The following CALCB variants were observed in gnomAD, a reference collection of about 807,000 sequenced individuals.
The protein encoded by CALCB is calcitonin gene-related peptide 2.
Under a neutral mutation model 10.7 loss-of-function variants are expected in CALCB, and 8 were observed. The observed-to-expected ratio is 0.75, with a 90% CI of 0.44 to 1.34. The LOEUF (loss-of-function observed/expected upper bound fraction) is 1.34, where lower values mean the gene tolerates loss of function less well. CALCB is among the 40% of genes most tolerant of loss of function. The pLI is 0.01. For missense variants in CALCB, 176 were observed against 162.5 expected (o/e 1.08, Z -0.45); for synonymous variants, 76 against 66.9 (o/e 1.14, Z -0.66).
At chr11:15,074,961 C>A (rs1192442016) in intron 2 of CALCB, 100 bp from the exon 3 acceptor site, 15 of 1,502,814 alleles carry the variant, frequency 1.0e-5, no homozygotes, top group East Asian at 9.0e-5. Flanking sequence ...GTGGCCACAT[C>A]CCCAGGGGAA....
chr11:15,078,211 A>G lies in CALCB; in HGVS notation c.*154A>G, dbSNP rs1337531193. 6.6e-6 allele frequency: 1 copy of G among 152,242 alleles called. No homozygotes were observed. The highest frequency in any genetic ancestry group is 1.5e-5 in the Non-Finnish European group (1 of 68,044). The allele number at this position is 152,242 out of a possible 1,614,324, so 9.4% of individuals were successfully genotyped here. ...AAAAAGGGCACCTTTGTCACTTGAA[A>G]GGAATGAAACTGAATGCAAAATAAG... On this transcript the variant is annotated 3_prime_UTR_variant, in exon 5 of 5. Transcript: ENST00000324229.
chr11:15,077,421 G>A lies in CALCB; in HGVS notation c.360G>A (p.Arg120=). The A allele has an allele frequency of 1.2e-6, 2 of 1,614,224 alleles. No homozygotes were observed. Among genetic ancestry groups the A allele is most frequent in the Non-Finnish European group, 1.7e-6 (2 of 1,180,056 alleles). ...ATGTGGGTTCCAAAGCCTTTGGCAG[G>A]CGCCGCAGGGACCTTCAAGCCTGAG... is the stretch of plus-strand genomic sequence containing the variant. ...PTNVGSKAFG[R]RRRDLQA Residue 120 remains arginine (R), a synonymous_variant, in exon 4 of 5, where the codon AGG becomes AGA. Transcript: ENST00000324229.
At position 15,074,797 on chromosome 11, in the gene CALCB, C is replaced by A; in HGVS notation, c.79C>A (p.Pro27Thr). 4 of 1,613,552 alleles carry A rather than the reference C, an allele frequency of 2.5e-6. No homozygotes were observed. The highest frequency in any genetic ancestry group is 3.4e-6 in the Non-Finnish European group (4 of 1,179,626). The change falls in exon 2 of 5, where the codon CCA becomes ACA. Residue 27 changes from proline (P) to threonine (T), a missense_variant. Pro to Thr is a conservative substitution (Grantham distance 38, BLOSUM62 -1). Coordinates refer to ENST00000324229, the MANE Select transcript of CALCB (RefSeq NM_000728.4). ...LYQAGSLQAA[P>T]FRSALESSPD... ...CCAGGCGGGCAGCCTCCAGGCGGCGCCATTCAGGTGAGACAGCCTGGAGCC... is the reference window on the plus strand; with the variant it reads ...CCAGGCGGGCAGCCTCCAGGCGGCGACATTCAGGTGAGACAGCCTGGAGCC...
At chr11:15,076,926 C>G (rs901371965) in intron 3 of CALCB, among the ~76,000 whole-genome samples, 3 of 152,084 alleles carry the variant, frequency 2.0e-5, no homozygotes, top group Non-Finnish European at 4.4e-5. Flanking sequence ...ATTTCATTTT[C>G]CTGTGGTAAT....
chr11:15,074,947 C>A, intron 2 of CALCB, 114 bp from the exon 3 acceptor site: 1 of 1,440,700 alleles, frequency 6.9e-7, no homozygotes, highest in South Asian at 1.2e-5. Context: ...CCCTGGGAGT[C>A]GCGGTGGCCA....
rs113623611 is a variant in CALCB, at chr11:15,073,756, C to T, written c.-10+93C>T. On this transcript the variant is annotated intron_variant, in intron 1 of 4. Transcript: ENST00000324229. ...TTGCTCCATCTGCCTGTCTGCCTCT[C>T]CGCCGCCATCTGGTCCTACCTTACA... 2.6e-3 allele frequency: 398 copies of T among 152,782 alleles called. 2 individuals carry two copies. Among genetic ancestry groups the T allele is most frequent in the African/African-American group, 8.8e-3 (366 of 41,612 alleles). 9.5% of individuals were successfully genotyped at this position (152,782 alleles called of 1,614,324 possible).
chr11:15,076,152 C>T (rs761232197), intron 3 of CALCB, among the ~76,000 whole-genome samples: 3 of 152,182 alleles, frequency 2.0e-5, no homozygotes, highest in Non-Finnish European at 4.4e-5. Flanking sequence ...TACTGTCTGG[C>T]ATGTCCTTCC....
intron 3 of CALCB, among the ~76,000 whole-genome samples, chr11:15,076,559 G>A (rs1850396844): frequency 1.3e-5 from 2 of 152,210 alleles, no homozygotes; most frequent in African/African-American, 2.4e-5. Context: ...GAAAATAAGG[G>A]AAGCTTCTTG....
chr11:15,077,982 A>T (rs900441649), intron 4 of CALCB, 101 bp from the exon 5 acceptor site: 2 of 152,142 alleles, frequency 1.3e-5, no homozygotes, highest in Non-Finnish European at 2.9e-5. Context: ...CTTGTCTTCT[A>T]CTTCTTTTTT....
chr11:15,076,762 C>T (rs1048650968), intron 3 of CALCB, among the ~76,000 whole-genome samples: 1 of 152,190 alleles, frequency 6.6e-6, no homozygotes, highest in African/African-American at 2.4e-5. Context: ...TCAGAAGTAG[C>T]CTTAGCTTCA....
In CALCB at chr11:15,077,345, G is replaced by A. The variant is rs1850405114; in HGVS notation, c.284G>A (p.Gly95Asp). 6.2e-7 allele frequency: 1 copy of A among 1,614,114 alleles called. No individual in the cohort carries two copies. Among genetic ancestry groups the A allele is most frequent in the Non-Finnish European group, 8.5e-7 (1 of 1,180,054 alleles). ...ACCTGTGTGACTCATCGGCTGGCAG[G>A]CTTGCTGAGCAGATCAGGGGGCATG... is the stretch of plus-strand genomic sequence containing the variant. The part of the protein sequence containing the change: ...TATCVTHRLA[G>D]LLSRSGGMVK... Residue 95 changes from glycine to aspartate, a missense_variant, in exon 4 of 5, where the codon GGC becomes GAC. Physicochemically the swap from Gly to Asp is moderately conservative, Grantham distance 94. Coordinates refer to ENST00000324229, the MANE Select transcript of CALCB (RefSeq NM_000728.4).
In CALCB at chr11:15,074,760, CTTGG is replaced by C; in HGVS notation, c.44_47del (p.Leu15SerfsTer45). The C allele has an allele frequency of 6.2e-7, 1 of 1,614,178 alleles. No individual in the cohort carries two copies. The highest frequency in any genetic ancestry group is 8.5e-7 in the Non-Finnish European group (1 of 1,180,012). ...TCTCCCCCTTCCTGGCTCTCAGTATCTTGGTCCTGTACCAGGCGGGCAGCCTCCA... is the reference window on the plus strand; with the variant it reads ...TCTCCCCCTTCCTGGCTCTCAGTATCTCCTGTACCAGGCGGGCAGCCTCCA... On this transcript the variant is annotated frameshift_variant, in exon 2 of 5. Transcript: ENST00000324229. LOFTEE classifies it high-confidence loss of function.
At position 15,075,063 on chromosome 11, in the gene CALCB, C is replaced by T. The variant is rs772389365; in HGVS notation, c.89C>T (p.Ser30Phe). The change falls in exon 3 of 5, where the codon TCT becomes TTT. Residue 30 changes from serine to phenylalanine, a missense_variant and splice_region_variant. By Grantham distance (155) the Ser-to-Phe change is radical (BLOSUM62 -2). Transcript: ENST00000324229. ...AGSLQAAPFR[S>F]ALESSPDPAT... is the part of the protein sequence containing the mutation. ...AGGAGTTTGCTTCCCTTCCACAGGTCTGCCCTGGAGAGCAGCCCAGACCCG... is the reference window on the plus strand; with the variant it reads ...AGGAGTTTGCTTCCCTTCCACAGGTTTGCCCTGGAGAGCAGCCCAGACCCG... 4 of 1,614,244 alleles carry T rather than the reference C, an allele frequency of 2.5e-6. No homozygotes were observed. Among genetic ancestry groups the T allele is most frequent in the Non-Finnish European group, 3.4e-6 (4 of 1,180,048 alleles).
chr11:15,076,283 T>C (rs923220083), intron 3 of CALCB, among the ~76,000 whole-genome samples: 3 of 152,168 alleles, frequency 2.0e-5, no homozygotes, highest in African/African-American at 7.2e-5. Flanking sequence ...ACTTCGGGCC[T>C]GAAATTCCTG....
At chr11:15,077,537 A>C (rs757363470) in intron 4 of CALCB, 67 bp downstream of exon 4, 114 of 1,491,062 alleles carry the variant, frequency 7.6e-5, no homozygotes, top group Non-Finnish European at 9.7e-5. Flanking sequence ...CATTTTGAAA[A>C]CCTCTGCTCT....
chr11:15,075,018 T>G (rs1408583128), intron 2 of CALCB, 43 bp from the exon 3 acceptor site: 4 of 1,610,918 alleles, frequency 2.5e-6, no homozygotes, highest in East Asian at 2.2e-5. Context: ...GGAGGGTCAG[T>G]CAGGGGCTCA....
Position 15,074,744 on chromosome 11 carries a change from T to C in CALCB, c.26T>C (p.Phe9Ser). 1 of 1,614,130 alleles carries C rather than the reference T, an allele frequency of 6.2e-7. No individual in the cohort carries two copies. Among genetic ancestry groups the C allele is most frequent in the Non-Finnish European group, 8.5e-7 (1 of 1,179,996 alleles). The change falls in exon 2 of 5, where the codon TTC (phenylalanine) becomes TCC (serine). Residue 9 changes from phenylalanine to serine, a missense_variant. By Grantham distance (155) the Phe-to-Ser change is radical (BLOSUM62 -2). Transcript: ENST00000324229. ...ATGGGTTTCCGGAAGTTCTCCCCCT[T>C]CCTGGCTCTCAGTATCTTGGTCCTG... MGFRKFSP[F>S]LALSILVLYQ...
chr11:15,077,526 A>G, intron 4 of CALCB, 56 bp downstream of exon 4: 1 of 1,538,214 alleles, frequency 6.5e-7, no homozygotes, highest in South Asian at 1.2e-5. Context: ...GTTAAAACCT[A>G]CATTTTGAAA....
At chr11:15,074,886 T>C in intron 2 of CALCB, 82 bp downstream of exon 2, 3 of 1,407,792 alleles carry the variant, frequency 2.1e-6, no homozygotes, top group Non-Finnish European at 3.0e-6. Flanking sequence ...AAGTCACGCG[T>C]GGCTCCTGGT....
Sources: allele counts gnomAD v4.1 joint callset (sites outside exome capture counted in the v4.1 genomes callset), GRCh38; gene constraint gnomAD v4.1.1; transcripts MANE v1.5; gene names NCBI Gene and HGNC (gene_info 2026-07-23, HGNC 2026-07-21).